The following CLPX variants were observed in gnomAD, a reference collection of about 807,000 sequenced individuals.
CLPX encodes ATP-dependent clpX-like chaperone, mitochondrial.
In CLPX, 34 loss-of-function variants were observed where a neutral mutation model predicts 76.4. The observed-to-expected ratio is 0.45, with a 90% CI of 0.34 to 0.59. The LOEUF (loss-of-function observed/expected upper bound fraction) is 0.59, where lower values mean the gene tolerates loss of function less well. Ranked by LOEUF, CLPX falls within the 20% of genes least tolerant of loss-of-function variation. The pLI, the probability that CLPX is intolerant of heterozygous loss-of-function variation, is 0.01. For synonymous variants in CLPX, 248 were observed against 270.9 expected, an observed-to-expected ratio of 0.92 and a Z score of 0.83; for missense variants, 613 against 757.0, an observed-to-expected ratio of 0.81 and a Z score of 2.23.
At chr15:65,164,615 A>T (rs1169721049) in intron 4 of CLPX, among the ~76,000 whole-genome samples, 2 of 152,194 alleles carry the variant, frequency 1.3e-5, no homozygotes, top group African/African-American at 4.8e-5. Context: ...TAACATTATA[A>T]AACTACTCTT....
chr15:65,157,892 T>C lies in CLPX; in HGVS notation c.911A>G (p.Gln304Arg). 6.2e-7 allele frequency: 1 copy of C among 1,601,342 alleles called. No homozygotes were observed. ...PTGSGKTLLA[Q>R]TLAKCLDVPF... ...GACATCAAGGCATTTAGCTAGGGTT[T>C]GTGCCAGCAGAGTTTTACCTACAAA... is the stretch of plus-strand genomic sequence containing the variant. The change falls in exon 8 of 14, where the codon CAA becomes CGA. Residue 304 changes from glutamine to arginine, a missense_variant. Coordinates refer to ENST00000300107, the MANE Select transcript of CLPX (RefSeq NM_006660.5).
intron 3 of CLPX, among the ~76,000 whole-genome samples, chr15:65,176,657 G>T (rs2088095088): frequency 6.7e-6 from 1 of 148,704 alleles, no homozygotes. Context: ...GTGCAGTGGT[G>T]TGATCTCGGC....
chr15:65,171,466 C>T (rs1190494888), intron 3 of CLPX, among the ~76,000 whole-genome samples: 2 of 151,718 alleles, frequency 1.3e-5, no homozygotes, highest in South Asian at 2.1e-4. Context: ...AAAAACATTT[C>T]GGATAAATTC....
intron 6 of CLPX, among the ~76,000 whole-genome samples, chr15:65,162,313 A>C (rs974824272): frequency 6.6e-6 from 1 of 152,200 alleles, no homozygotes; most frequent in African/African-American, 2.4e-5. Flanking sequence ...CTAGAAAATA[A>C]TCTGCCTCCC....
At chr15:65,158,419 G>C (rs1304610967) in intron 7 of CLPX, 156 bp downstream of exon 7, 1 of 582,024 alleles carries the variant, frequency 1.7e-6, no homozygotes, top group African/African-American at 1.9e-5. Context: ...AATCCAGTTT[G>C]TATTCTATGC....
chr15:65,165,343 C>T (rs1194602912), intron 4 of CLPX, among the ~76,000 whole-genome samples: 3 of 146,968 alleles, frequency 2.0e-5, no homozygotes, highest in Admixed American at 6.8e-5. Context: ...ATAAATAATT[C>T]AAAAACTCCT....
intron 13 of CLPX, among the ~76,000 whole-genome samples, 168 bp downstream of exon 13, chr15:65,152,262 T>C (rs929504601): frequency 5.9e-5 from 9 of 152,176 alleles, no homozygotes; most frequent in African/African-American, 2.2e-4. Context: ...CAAAATACTA[T>C]TATTTTATAA....
intron 3 of CLPX, among the ~76,000 whole-genome samples, chr15:65,167,262 G>T (rs190378868): frequency 1.3e-5 from 2 of 150,016 alleles, no homozygotes; most frequent in Non-Finnish European, 3.0e-5. Context: ...GAAGAGACAG[G>T]ATTTCACTAT....
chr15:65,162,235 T>A (rs1449179281), intron 6 of CLPX, among the ~76,000 whole-genome samples: 3 of 152,132 alleles, frequency 2.0e-5, no homozygotes, highest in Non-Finnish European at 4.4e-5. Context: ...TACTCATAAT[T>A]TGTAAGACTG....
At position 65,175,684 on chromosome 15, in the gene CLPX, T is replaced by C. The variant is rs540342388; in HGVS notation, c.358+3250A>G. On this transcript the variant is annotated intron_variant, in intron 3 of 13. Transcript: ENST00000300107. ...AAATGCTCCAATGGAGCATTTCCTTTAAGCGTCATGACGCACTCAAAAGGA... is the reference window on the plus strand; with the variant it reads ...AAATGCTCCAATGGAGCATTTCCTTCAAGCGTCATGACGCACTCAAAAGGA... Among the ~76,000 whole-genome samples the C allele has an allele frequency of 2.0e-5, 3 of 152,254 alleles. No homozygotes were observed. The East Asian group carries it at 5.8e-4, about 29-fold the overall frequency.
chr15:65,179,748 T>G (rs1318351616), intron 2 of CLPX, among the ~76,000 whole-genome samples: 1 of 152,212 alleles, frequency 6.6e-6, no homozygotes, highest in Non-Finnish European at 1.5e-5. Context: ...AAGAGTTATA[T>G]GAAAGCAGGA....
rs185954337 is a variant in CLPX at position 65,182,401 on chromosome 15, T to A, written c.80-2197A>T. 1.1e-4 allele frequency among the ~76,000 whole-genome samples: 16 copies of A among 152,330 alleles called. No individual in the cohort carries two copies. The East Asian group carries it at 2.7e-3, about 26-fold the overall frequency. ...TTATAATGAAGTAGTTATCAAAAAA[T>A]TTTTAAAATATGCCTCTTTATTAAC... On this transcript the variant is annotated intron_variant, in intron 1 of 13. Transcript: ENST00000300107.
chr15:65,162,307 A>G (rs1231206153), intron 6 of CLPX, among the ~76,000 whole-genome samples: 4 of 152,206 alleles, frequency 2.6e-5, no homozygotes, highest in Non-Finnish European at 5.9e-5. Flanking sequence ...GAGTAGCTAG[A>G]AAATAATCTG....
intron 6 of CLPX, among the ~76,000 whole-genome samples, chr15:65,159,513 G>A (rs2087827539): frequency 6.6e-6 from 1 of 152,144 alleles, no homozygotes; most frequent in Admixed American, 6.5e-5. Context: ...GGGAGGCCGA[G>A]GCAGGAGAAT....
At position 65,158,728 on chromosome 15, in the gene CLPX, T is replaced by G; in HGVS notation, c.739A>C (p.Ser247Arg). 1 of 1,596,424 alleles carries G rather than the reference T, an allele frequency of 6.3e-7. No individual in the cohort carries two copies. The highest frequency in any genetic ancestry group is 8.5e-7 in the Non-Finnish European group (1 of 1,172,504). The change falls in exon 7 of 14, where the codon AGC becomes CGC. Residue 247 changes from serine (S) to arginine (R), a missense_variant. This residue lies in a region of CLPX where 450 missense variants were observed against 638.6 expected (regional missense o/e 0.70). Transcript: ENST00000300107. ...GCTCCTAAAGCATTACCATGTGGGC[T>G]AATTCCAGCAATCTGAAGCAATTCT... The part of the protein sequence containing the change: ...FTKLLQIAGI[S>R]PHGNALGASM...
rs549129082 is a variant in CLPX at position 65,178,982 on chromosome 15, G to A, written c.310C>T (p.Arg104Cys). ...GNSGKGGNQLRCPKCGDLCTH... is the reference protein window; with the variant it reads ...GNSGKGGNQLCCPKCGDLCTH... ...CACAAGTCGCCACATTTAGGACAGC[G>A]CAGCTGGTTTCCACCTTTCCCAGAA... Residue 104 changes from arginine (R) to cysteine (C), a missense_variant, in exon 3 of 14, where the codon CGC (arginine) becomes TGC (cysteine). Transcript: ENST00000300107. The A allele has an allele frequency of 8.5e-5, 137 of 1,611,950 alleles. No homozygotes were observed. In the Admixed American group the frequency reaches 1.9e-3, roughly 23 times the overall value.
chr15:65,176,671 C>T (rs1204709413), intron 3 of CLPX, among the ~76,000 whole-genome samples: 1 of 149,578 alleles, frequency 6.7e-6, no homozygotes, highest in Non-Finnish European at 1.5e-5. Flanking sequence ...TCTCGGCTCA[C>T]TGCAGCCTCC....
chr15:65,182,620 G>A lies in CLPX; in HGVS notation c.80-2416C>T, dbSNP rs535107772. Among the ~76,000 whole-genome samples the A allele has an allele frequency of 3.3e-5, 5 of 152,294 alleles. No homozygotes were observed. In the South Asian group the frequency reaches 1.0e-3, roughly 32 times the overall value. ...GTGTTGCCCACATTCATAGGCCAAG[G>A]AAACGTTGTGTTTCAGTTAGAGCTT... On this transcript the variant is annotated intron_variant, in intron 1 of 13. Transcript: ENST00000300107.
chr15:65,156,874 T>C lies in CLPX; in HGVS notation c.1116A>G (p.Leu372=). 6.2e-7 allele frequency: 1 copy of C among 1,613,594 alleles called. No individual in the cohort carries two copies. The highest frequency in any genetic ancestry group is 8.5e-7 in the Non-Finnish European group (1 of 1,179,708). The change falls in exon 9 of 14, where the codon TTA becomes TTG. Residue 372 remains leucine (L), a synonymous_variant. Transcript: ENST00000300107. ...GAACGCCTTCTCCACCTACATCCCGTAATTGATGAATGCCTGGCACACTGC... is the reference window on the plus strand; with the variant it reads ...GAACGCCTTCTCCACCTACATCCCGCAATTGATGAATGCCTGGCACACTGC... ...KIGSVPGIHQ[L]RDVGGEGVQQ...
Sources: allele counts gnomAD v4.1 joint callset (sites outside exome capture counted in the v4.1 genomes callset), GRCh38; gene constraint gnomAD v4.1.1; regional missense constraint gnomAD v4.1.1; transcripts MANE v1.5; gene names NCBI Gene and HGNC (gene_info 2026-07-23, HGNC 2026-07-21).